The following RFX3 variants were observed in gnomAD, a reference collection of about 807,000 sequenced individuals.
RFX3 encodes the protein regulatory factor X3, also known as transcription factor RFX3.
In RFX3, 14 loss-of-function variants were observed where a neutral mutation model predicts 98.6. The ratio of observed to expected loss-of-function variants is 0.14; its 90% CI spans 0.09 to 0.22. The LOEUF is 0.22. Ranked by LOEUF, RFX3 falls within the 10% of genes least tolerant of loss-of-function variation. The pLI is 1.00. For synonymous variants in RFX3, 383 were observed against 328.4 expected, an observed-to-expected ratio of 1.17 and a Z score of -1.80; for missense variants, 639 against 926.9, an observed-to-expected ratio of 0.69 and a Z score of 4.03.
chr9:3,365,168 TGCAC>T (rs1322262049), intron 2 of RFX3, among the ~76,000 whole-genome samples: 10 of 151,796 alleles, frequency 6.6e-5, no homozygotes, highest in African/African-American at 2.2e-4. Context: ...GGCATGGTGT[TGCAC>T]GCCTGTAGTC....
At chr9:3,507,178 T>C (rs1488016058) in intron 1 of RFX3, among the ~76,000 whole-genome samples, 1 of 151,884 alleles carries the variant, frequency 6.6e-6, no homozygotes, top group African/African-American at 2.4e-5. Context: ...TAAATCACAA[T>C]TTCCAATTAG....
At chr9:3,405,067 G>A (rs980233577) in intron 1 of RFX3, among the ~76,000 whole-genome samples, 1 of 152,074 alleles carries the variant, frequency 6.6e-6, no homozygotes, top group South Asian at 2.1e-4. Flanking sequence ...AATTACACTT[G>A]AAATTAATGA....
intron 1 of RFX3, among the ~76,000 whole-genome samples, chr9:3,473,682 T>C (rs1235780266): frequency 2.0e-5 from 3 of 152,162 alleles, no homozygotes; most frequent in African/African-American, 7.2e-5. Context: ...TGCTCCCAAC[T>C]GCTGAGCTGT....
intron 4 of RFX3, 81 bp from the exon 5 acceptor site, chr9:3,301,701 T>G (rs2130080102): frequency 9.9e-7 from 1 of 1,013,006 alleles, no homozygotes; most frequent in Non-Finnish European, 1.5e-6. Context: ...GATAGATTCT[T>G]TAAAGTCCAA....
intron 4 of RFX3, among the ~76,000 whole-genome samples, chr9:3,301,975 G>A (rs886334668): frequency 2.6e-5 from 4 of 151,668 alleles, no homozygotes; most frequent in East Asian, 1.9e-4. Flanking sequence ...TTTCTAAATC[G>A]TCTCCCACCT....
chr9:3,245,957 TTTTTA>T (rs1359431153), intron 15 of RFX3, among the ~76,000 whole-genome samples: 1 of 152,166 alleles, frequency 6.6e-6, no homozygotes, highest in South Asian at 2.1e-4. Flanking sequence ...GAAAACAAAC[TTTTTA>T]TTTTTTGAAT....
intron 1 of RFX3, among the ~76,000 whole-genome samples, chr9:3,520,341 G>A (rs905729664): frequency 6.6e-6 from 1 of 152,108 alleles, no homozygotes; most frequent in Non-Finnish European, 1.5e-5. Context: ...GACTAGTACA[G>A]ATAAATCCAT....
At chr9:3,504,458 G>A (rs145392470) in intron 1 of RFX3, among the ~76,000 whole-genome samples, 4,515 of 97,378 alleles carry the variant, frequency 0.046, 738 homozygotes, top group African/African-American at 0.21. Context: ...TATATTATAT[G>A]CCATATGGTA....
At position 3,315,710 on chromosome 9, in the gene RFX3, A is replaced by G. The variant is rs1415129866; in HGVS notation, c.475-14090T>C. Among the ~76,000 whole-genome samples the G allele has an allele frequency of 3.9e-5, 6 of 152,370 alleles. No individual in the cohort carries two copies. The East Asian group carries it at 1.2e-3, about 29-fold the overall frequency. On this transcript the variant is annotated intron_variant, in intron 4 of 16. Transcript: ENST00000617270. ...AAGGGGATATCACCACCGATCTCAT[A>G]GAAATACAAACTACCATCAGAAAAT...
intron 1 of RFX3, among the ~76,000 whole-genome samples, chr9:3,402,895 A>C (rs1011725094): frequency 6.6e-6 from 1 of 151,962 alleles, no homozygotes; most frequent in African/African-American, 2.4e-5. Flanking sequence ...ATAATGAACA[A>C]TATTAAGATA....
chr9:3,420,069 G>A (rs184645556), intron 1 of RFX3, among the ~76,000 whole-genome samples: 124 of 152,296 alleles, frequency 8.1e-4, no homozygotes, highest in Non-Finnish European at 1.3e-3. Context: ...CAGAAAGAAC[G>A]TCGGGGCCCG....
chr9:3,421,734 C>T (rs1262411636), intron 1 of RFX3, among the ~76,000 whole-genome samples: 1 of 152,164 alleles, frequency 6.6e-6, no homozygotes, highest in Admixed American at 6.5e-5. Flanking sequence ...ACACAGATCA[C>T]ATATGGAAAG....
At chr9:3,320,943 C>T (rs1831226746) in intron 4 of RFX3, among the ~76,000 whole-genome samples, 1 of 151,794 alleles carries the variant, frequency 6.6e-6, no homozygotes, top group Non-Finnish European at 1.5e-5. Flanking sequence ...TCTCTGTTGC[C>T]TAGGCTGGAG....
At chr9:3,425,851 T>G (rs1287514361) in intron 1 of RFX3, among the ~76,000 whole-genome samples, 1 of 152,360 alleles carries the variant, frequency 6.6e-6, no homozygotes, top group South Asian at 2.1e-4. Context: ...TCTTCTAAGT[T>G]AATCAGATTG....
chr9:3,272,918 G>A (rs944472835), intron 9 of RFX3, among the ~76,000 whole-genome samples: 8 of 152,126 alleles, frequency 5.3e-5, no homozygotes, highest in African/African-American at 1.9e-4. Context: ...AATATGTACT[G>A]TAGGAAATGT....
chr9:3,376,920 C>A (rs1408260787), intron 2 of RFX3, among the ~76,000 whole-genome samples: 1 of 152,042 alleles, frequency 6.6e-6, no homozygotes, highest in Admixed American at 6.5e-5. Context: ...GTTAGAATGG[C>A]GATCATTAAA....
chr9:3,262,827 G>A (rs577202992), intron 13 of RFX3, 108 bp downstream of exon 13: 1 of 1,103,606 alleles, frequency 9.1e-7, no homozygotes, highest in Non-Finnish European at 1.3e-6. Context: ...GAATATAGAT[G>A]CTGCCATATA....
At chr9:3,464,950 G>A (rs995506214) in intron 1 of RFX3, among the ~76,000 whole-genome samples, 5 of 152,020 alleles carry the variant, frequency 3.3e-5, no homozygotes, top group African/African-American at 9.7e-5. Flanking sequence ...GGAAAGGTAA[G>A]TGTCTCTCTC....
At chr9:3,287,154 T>C (rs1047254164) in intron 7 of RFX3, among the ~76,000 whole-genome samples, 10 of 151,896 alleles carry the variant, frequency 6.6e-5, no homozygotes, top group African/African-American at 2.4e-4. Flanking sequence ...GACTAAATAG[T>C]ATAAAATTAC....
Sources: allele counts gnomAD v4.1 joint callset (sites outside exome capture counted in the v4.1 genomes callset), GRCh38; gene constraint gnomAD v4.1.1; transcripts MANE v1.5; gene names NCBI Gene and HGNC (gene_info 2026-07-23, HGNC 2026-07-21).